The following SPARCL1 variants were observed in gnomAD, a reference collection of about 807,000 sequenced individuals.
The protein encoded by SPARCL1 is SPARC-like protein 1.
A neutral mutation model predicts 67.1 loss-of-function variants in SPARCL1; 52 were observed. The ratio of observed to expected loss-of-function variants is 0.78; its 90% CI spans 0.62 to 0.98. SPARCL1 has a LOEUF of 0.98. SPARCL1 is among the 50% of genes least tolerant of loss of function. SPARCL1 has a pLI of 0.00. For missense variants in SPARCL1, 717 were observed against 782.4 expected (o/e 0.92, Z 1.00); for synonymous variants, 226 against 267.8 (o/e 0.84, Z 1.52).
intron 1 of SPARCL1, among the ~76,000 whole-genome samples, chr4:87,528,827 A>G (rs1726160089): frequency 6.6e-6 from 1 of 152,222 alleles, no homozygotes; most frequent in Non-Finnish European, 1.5e-5. Context: ...ACCATCATTT[A>G]TTAGTACTTG....
chr4:87,511,236 A>AC (rs1274222114), intron 1 of SPARCL1, among the ~76,000 whole-genome samples: 3 of 152,238 alleles, frequency 2.0e-5, no homozygotes, highest in Non-Finnish European at 4.4e-5. Flanking sequence ...TAATTAAAAA[A>AC]AGAACAGATA....
rs367644922 is a variant in SPARCL1, at chr4:87,473,785, A to C, written c.1985T>G (p.Leu662Arg). The change falls in exon 11 of 11, where the codon CTC (leucine) becomes CGC (arginine). Residue 662 changes from leucine to arginine, a missense_variant. By Grantham distance (102) the Leu-to-Arg change is moderately radical. Coordinates refer to ENST00000282470, the MANE Select transcript of SPARCL1 (RefSeq NM_004684.6). ...CTTTAAAATCTTCGTTCAAAACAAG[A>C]GATTTTCATCTATGTCCTCTATAAA... ...GIKEEDIDEN[L>R]LF is the part of the protein sequence containing the mutation. The C allele has an allele frequency of 2.0e-5, 32 of 1,609,920 alleles. No individual in the cohort carries two copies. Among genetic ancestry groups the C allele is most frequent in the Non-Finnish European group, 2.7e-5 (32 of 1,176,966 alleles).
intron 1 of SPARCL1, among the ~76,000 whole-genome samples, chr4:87,506,813 CT>C (rs368816987): frequency 5.4e-5 from 8 of 149,436 alleles, no homozygotes; most frequent in African/African-American, 1.8e-4. Context: ...ATCTATCTAT[CT>C]ATCTATCTAT....
At chr4:87,517,689 TC>T (rs1725639602) in intron 1 of SPARCL1, among the ~76,000 whole-genome samples, 1 of 152,204 alleles carries the variant, frequency 6.6e-6, no homozygotes, top group Non-Finnish European at 1.5e-5. Flanking sequence ...TCCTTTGGAT[TC>T]AGTGGAAATT....
At chr4:87,499,133 C>T (rs1438758791) in intron 2 of SPARCL1, among the ~76,000 whole-genome samples, 3 of 152,168 alleles carry the variant, frequency 2.0e-5, no homozygotes, top group African/African-American at 4.8e-5. Context: ...ATCTCAGCCT[C>T]CCGAAGTGCT....
chr4:87,488,272 G>A (rs939053712), intron 7 of SPARCL1, among the ~76,000 whole-genome samples: 2 of 152,114 alleles, frequency 1.3e-5, no homozygotes, highest in Non-Finnish European at 2.9e-5. Context: ...CCTTTGGATG[G>A]GGTTTTTGTG....
intron 2 of SPARCL1, among the ~76,000 whole-genome samples, chr4:87,497,404 C>T (rs1304255350): frequency 6.6e-6 from 1 of 152,208 alleles, no homozygotes; most frequent in East Asian, 1.9e-4. Context: ...GTCACTCTCT[C>T]TCCCCCTCCA....
At chr4:87,507,249 C>A (rs568178295) in intron 1 of SPARCL1, among the ~76,000 whole-genome samples, 1 of 152,248 alleles carries the variant, frequency 6.6e-6, no homozygotes, top group East Asian at 1.9e-4. Flanking sequence ...AATTATCAAA[C>A]GTGTTTTGCA....
At chr4:87,479,647 C>G in intron 9 of SPARCL1, 69 bp from the exon 10 acceptor site, 1 of 1,494,882 alleles carries the variant, frequency 6.7e-7, no homozygotes, top group Non-Finnish European at 9.2e-7. Flanking sequence ...CTCAGGCTCA[C>G]CAAGGACATT....
At chr4:87,489,039 G>T (rs570890132) in intron 7 of SPARCL1, among the ~76,000 whole-genome samples, 80 of 152,314 alleles carry the variant, frequency 5.3e-4, no homozygotes, top group Middle Eastern at 6.8e-3. Context: ...GTGGGGGTGG[G>T]ATCCACTGAG....
intron 1 of SPARCL1, 127 bp downstream of exon 1, chr4:87,528,918 C>T (rs955689214): frequency 6.6e-6 from 1 of 152,164 alleles, no homozygotes; most frequent in Admixed American, 6.6e-5. Flanking sequence ...GTAAATCACA[C>T]AAAACTTTTT....
At chr4:87,480,654 A>AT in intron 8 of SPARCL1, 134 bp from the exon 9 acceptor site, 1 of 733,826 alleles carries the variant, frequency 1.4e-6, no homozygotes, top group Non-Finnish European at 2.1e-6. Flanking sequence ...TGTGCAACTA[A>AT]ATGAAATTCC....
chr4:87,489,217 G>A (rs1158808580), intron 7 of SPARCL1, among the ~76,000 whole-genome samples: 1 of 152,216 alleles, frequency 6.6e-6, no homozygotes, highest in Non-Finnish European at 1.5e-5. Context: ...GGTCCTGGTG[G>A]TGTAGGCACC....
At position 87,482,437 on chromosome 4, in the gene SPARCL1, T is replaced by C; in HGVS notation, c.1655A>G (p.Lys552Arg). Residue 552 changes from lysine (K) to arginine (R), a missense_variant, in exon 8 of 11, where the codon AAG becomes AGG. Coordinates refer to ENST00000282470, the MANE Select transcript of SPARCL1 (RefSeq NM_004684.6). ...TGGATAACTTACTTTATTTCTCTGCTTCTCATTTAGATAACCAGCGTGTTC... is the reference window on the plus strand; with the variant it reads ...TGGATAACTTACTTTATTTCTCTGCCTCTCATTTAGATAACCAGCGTGTTC... ...NSEHAGYLNEKQRNKVKKIYL... is the reference protein window; with the variant it reads ...NSEHAGYLNERQRNKVKKIYL... The C allele has an allele frequency of 6.2e-7, 1 of 1,613,746 alleles. No homozygotes were observed. The highest frequency in any genetic ancestry group is 8.5e-7 in the Non-Finnish European group (1 of 1,179,894).
intron 1 of SPARCL1, among the ~76,000 whole-genome samples, chr4:87,505,724 G>GTTT (rs1553970443): frequency 2.8e-5 from 4 of 141,112 alleles, no homozygotes; most frequent in East Asian, 2.0e-4. Context: ...TCAGCTAATT[G>GTTT]TTTTTTTTTT....
At chr4:87,516,571 A>T (rs1159538134) in intron 1 of SPARCL1, among the ~76,000 whole-genome samples, 5 of 152,086 alleles carry the variant, frequency 3.3e-5, no homozygotes, top group Admixed American at 6.6e-5. Context: ...ATGCACTCCC[A>T]TCTGTGACCC....
At chr4:87,474,009 C>T (rs1414559063) in intron 10 of SPARCL1, among the ~76,000 whole-genome samples, 1 of 152,060 alleles carries the variant, frequency 6.6e-6, no homozygotes, top group East Asian at 1.9e-4. Context: ...AATCAGAATC[C>T]CTAGGGGTGG....
rs1325004435 is a variant in SPARCL1 at position 87,490,884 on chromosome 4, A to G, written c.1292-6T>C. 4.6e-6 allele frequency: 7 copies of G among 1,522,006 alleles called. No homozygotes were observed. Among genetic ancestry groups the G allele is most frequent in the Admixed American group, 1.8e-5 (1 of 54,194 alleles). The allele number at this position is 1,522,006 out of a possible 1,614,324, so 94.3% of individuals were successfully genotyped here. On this transcript the variant is annotated splice_region_variant and splice_polypyrimidine_tract_variant and intron_variant, in intron 5 of 10. Coordinates refer to ENST00000282470, the MANE Select transcript of SPARCL1 (RefSeq NM_004684.6). ...CTGGAAGCTCATGCAAGAATCTAACAGAAAAGATTGGGCAGGAAGCATGGA... is the reference window on the plus strand; with the variant it reads ...CTGGAAGCTCATGCAAGAATCTAACGGAAAAGATTGGGCAGGAAGCATGGA...
intron 7 of SPARCL1, among the ~76,000 whole-genome samples, chr4:87,486,106 A>G (rs1724046685): frequency 6.6e-6 from 1 of 152,072 alleles, no homozygotes. Flanking sequence ...GTCTTCTGCT[A>G]GCTTTTGAAT....
Sources: allele counts gnomAD v4.1 joint callset (sites outside exome capture counted in the v4.1 genomes callset), GRCh38; gene constraint gnomAD v4.1.1; transcripts MANE v1.5; gene names NCBI Gene and HGNC (gene_info 2026-07-23, HGNC 2026-07-21).